PIEZO1: variants seen among roughly 807,000 people sequenced by gnomAD.
The protein encoded by PIEZO1 is piezo type mechanosensitive ion channel component 1 (Er blood group).
PIEZO1 carries 296 observed loss-of-function variants against 297.2 expected under a neutral mutation model. That is an observed-to-expected ratio of 1.00 (90% confidence interval 0.91 to 1.10). The LOEUF is 1.10. PIEZO1 is among the 50% of genes least tolerant of loss of function. PIEZO1 has a pLI of 0.00. For missense variants in PIEZO1, 5,018 were observed against 3,455.5 expected, an observed-to-expected ratio of 1.45 and a Z score of -11.34; for synonymous variants, 2,427 against 1,507.5, an observed-to-expected ratio of 1.61 and a Z score of -14.13.
At chr16:88,757,295 T>G in intron 1 of PIEZO1, among the ~76,000 whole-genome samples, 1 of 78,668 alleles carries the variant, frequency 1.3e-5, no homozygotes, top group Non-Finnish European at 2.6e-5. Flanking sequence ...GTGCAGGCCC[T>G]GGGTATGCAG....
chr16:88,723,804 T>C lies in PIEZO1; in HGVS notation c.4335+67A>G. The C allele has an allele frequency of 3.5e-6, 3 of 864,714 alleles. No homozygotes were observed. In the South Asian group the frequency reaches 4.5e-5, roughly 13 times the overall value. 53.6% of individuals were successfully genotyped at this position (864,714 alleles called of 1,614,324 possible). ...CCCTGGGGGCATCTGACACCCTCTATGCTGCCCTGGTCCAGGACCACAAGC... is the reference window on the plus strand; with the variant it reads ...CCCTGGGGGCATCTGACACCCTCTACGCTGCCCTGGTCCAGGACCACAAGC... On this transcript the variant is annotated intron_variant, in intron 31 of 50. Transcript: ENST00000301015.
Position 88,725,692 on chromosome 16 carries a change from G to A in PIEZO1, c.3969-8C>T, listed in dbSNP as rs570418653. On this transcript the variant is annotated splice_polypyrimidine_tract_variant and splice_region_variant and intron_variant, in intron 27 of 50. Coordinates refer to ENST00000301015, the MANE Select transcript of PIEZO1 (RefSeq NM_001142864.4). ...TTGTAGAGGGCGAAGCCCCTGTAGG[G>A]AGGCGGGGATGGGGTGTGAGCACCA... 94 of 1,459,644 alleles carry A rather than the reference G, an allele frequency of 6.4e-5. No homozygotes were observed. The African/African-American group carries it at 1.1e-3, about 16-fold the overall frequency. The allele number at this position is 1,459,644 out of a possible 1,614,324, so 90.4% of individuals were successfully genotyped here.
rs2142842712 is a variant in PIEZO1, at chr16:88,741,607, C to G, written c.336G>C (p.Leu112=). The G allele has an allele frequency of 6.5e-7, 1 of 1,534,950 alleles. No homozygotes were observed. Among genetic ancestry groups the G allele is most frequent in the East Asian group, 2.4e-5 (1 of 40,904 alleles). Residue 112 remains leucine (L), a synonymous_variant, in exon 5 of 51, where the codon CTG becomes CTC. Coordinates refer to ENST00000301015, the MANE Select transcript of PIEZO1 (RefSeq NM_001142864.4). ...SRHIGVTRLD[L]KDIPNAIRLV... ...GCCGGATGGCGTTGGGGATGTCCTT[C>G]AGGTCCAGCCTGCGGAGAGCAGGGA...
chr16:88,725,381 C>G (rs574939876), intron 29 of PIEZO1, 35 bp downstream of exon 29: 2 of 1,255,356 alleles, frequency 1.6e-6, no homozygotes, highest in South Asian at 3.1e-5. Context: ...ATGCTGGACA[C>G]GGGGCCCTGG....
chr16:88,716,304 C>T, intron 48 of PIEZO1, 27 bp from the exon 49 acceptor site: 1 of 1,495,234 alleles, frequency 6.7e-7, no homozygotes, highest in Non-Finnish European at 9.0e-7. Context: ...GCAGGTCAGG[C>T]CTGGCCCAGC....
Position 88,741,957 on chromosome 16 carries a change from C to T in PIEZO1, c.326+96G>A, listed in dbSNP as rs114396191. ...GTGGGTGGGAGTGTGGATGAGTCTC[C>T]AGGTCCCCCTCTGTCCCTCCTGGGT... On this transcript the variant is annotated intron_variant, in intron 4 of 50. Transcript: ENST00000301015. 4.8e-4 allele frequency: 649 copies of T among 1,363,950 alleles called. 5 individuals carry two copies. In the African/African-American group the frequency reaches 8.7e-3, roughly 18 times the overall value. 84.5% of individuals were successfully genotyped at this position (1,363,950 alleles called of 1,614,324 possible). A position where few individuals can be genotyped will look rare whatever the true frequency, so the allele number is the denominator to read the frequency against.
intron 45 of PIEZO1, 38 bp downstream of exon 45, chr16:88,716,985 G>C (rs948943286): frequency 1.3e-6 from 2 of 1,548,276 alleles, no homozygotes; most frequent in African/African-American, 2.7e-5. Flanking sequence ...AGAACCCCCA[G>C]GGGATGGGAA....
Position 88,722,358 on chromosome 16 carries a change from G to T in PIEZO1, c.4815C>A (p.Asp1605Glu). The T allele has an allele frequency of 6.5e-7, 1 of 1,530,116 alleles. No homozygotes were observed. The highest frequency in any genetic ancestry group is 2.5e-5 in the East Asian group (1 of 40,728). 94.8% of individuals were successfully genotyped at this position (1,530,116 alleles called of 1,614,324 possible). A position where few individuals can be genotyped will look rare whatever the true frequency, so the allele number is the denominator to read the frequency against. The part of the protein sequence containing the change: ...GAEEPLSSMT[D>E]DMGSPLSTGY... The stretch of plus-strand genomic sequence containing the variant: ...CGGTGCTCAGGGGGCTGCCCATGTC[G>T]TCTGTCATGCTGCTGAGTGGCTCCT... Residue 1605 changes from aspartate to glutamate, a missense_variant, in exon 36 of 51, where the codon GAC becomes GAA. By Grantham distance (45) the Asp-to-Glu change is conservative (BLOSUM62 2). Transcript: ENST00000301015.
Position 88,732,455 on chromosome 16 carries a change from C to T in PIEZO1, c.2871G>A (p.Gln957=). Residue 957 remains glutamine, a synonymous_variant, in exon 21 of 51, where the codon CAG becomes CAA. Transcript: ENST00000301015. ...CGGCCTGGGCAGGCAGCGGGGCCAG[C>T]TGGTGCTGCCGGCGGTAGTGCTCCT... The part of the protein sequence containing the change: ...RRQEHYRRQH[Q]LAPLPAQAVF... 6.5e-7 allele frequency: 1 copy of T among 1,549,528 alleles called. No homozygotes were observed. The highest frequency in any genetic ancestry group is 8.7e-7 in the Non-Finnish European group (1 of 1,146,416).
Position 88,736,237 on chromosome 16 carries a change from G to A in PIEZO1, c.1468C>T (p.Pro490Ser). Residue 490 changes from proline to serine, a missense_variant, in exon 12 of 51, where the codon CCT (proline) becomes TCT (serine). Pro to Ser is a moderately conservative substitution (Grantham distance 74, BLOSUM62 -1). Coordinates refer to ENST00000301015, the MANE Select transcript of PIEZO1 (RefSeq NM_001142864.4). ...GGGCCCAGGGTGGTGGGCAGCTCAG[G>A]GCGCAGGTCCATGGCCCACACGTAG... ...LRYVWAMDLR[P>S]ELPTTLGPVS... The A allele has an allele frequency of 6.5e-7, 1 of 1,550,092 alleles. No individual in the cohort carries two copies. Among genetic ancestry groups the A allele is most frequent in the Non-Finnish European group, 8.7e-7 (1 of 1,146,820 alleles).
At chr16:88,731,952 T>TGGG in intron 21 of PIEZO1, 42 bp from the exon 22 acceptor site, 1 of 307,506 alleles carries the variant, frequency 3.3e-6, no homozygotes, top group South Asian at 3.3e-5. Flanking sequence ...GCACTGAGTC[T>TGGG]GGGGGGAGGG....
chr16:88,733,230 CAG>C (rs1567671261), intron 19 of PIEZO1, 46 bp downstream of exon 19: 2 of 1,505,724 alleles, frequency 1.3e-6, no homozygotes, highest in East Asian at 2.5e-5. Flanking sequence ...GCTGCGAATA[CAG>C]AGTTGCCTGG....
chr16:88,733,113 G>T, intron 19 of PIEZO1, 165 bp downstream of exon 19: 2 of 655,894 alleles, frequency 3.0e-6, no homozygotes, highest in South Asian at 3.9e-5. Flanking sequence ...CACAGTTGAG[G>T]TCGAAGGATG....
At chr16:88,760,472 GA>G (rs1906877996) in intron 1 of PIEZO1, among the ~76,000 whole-genome samples, 1 of 152,260 alleles carries the variant, frequency 6.6e-6, no homozygotes, top group Non-Finnish European at 1.5e-5. Flanking sequence ...TCTCATGGGA[GA>G]ACCCCAGGCC....
chr16:88,725,204 G>A (rs540255257), intron 29 of PIEZO1, 124 bp from the exon 30 acceptor site: 2 of 740,116 alleles, frequency 2.7e-6, no homozygotes, highest in East Asian at 5.9e-5. Context: ...AGTGACGGGG[G>A]CCGTGTGGGG....
At chr16:88,723,424 C>T (rs1028916051) in intron 31 of PIEZO1, 96 bp from the exon 32 acceptor site, 2 of 1,391,274 alleles carry the variant, frequency 1.4e-6, no homozygotes, top group Admixed American at 2.0e-5. Flanking sequence ...GATCCAGATC[C>T]CTGCTCTGTG....
At chr16:88,731,446 A>C in intron 22 of PIEZO1, 1 of 498,350 alleles carries the variant, frequency 2.0e-6, no homozygotes, top group Non-Finnish European at 3.6e-6. Flanking sequence ...AACTTTCCTG[A>C]AGGTTTGAAA....
intron 3 of PIEZO1, 82 bp downstream of exon 3, chr16:88,742,218 C>A (rs972304913): frequency 6.7e-7 from 1 of 1,500,086 alleles, no homozygotes. Context: ...AGTCAACCCC[C>A]CCAGGAGACT....
chr16:88,746,168 G>C (rs1906045598), intron 2 of PIEZO1, among the ~76,000 whole-genome samples: 2 of 152,188 alleles, frequency 1.3e-5, no homozygotes, highest in South Asian at 4.1e-4. Context: ...TGAGCTGCGG[G>C]GTAGGGCCAC....
Sources: gnomAD v4.1 joint callset for allele counts (sites outside exome capture counted in the v4.1 genomes callset) on GRCh38, gnomAD v4.1.1 for gene constraint, MANE v1.5 for transcripts, NCBI Gene and HGNC (gene_info 2026-07-23, HGNC 2026-07-21) for gene names.